KLHL5: variants seen among roughly 807,000 people sequenced by gnomAD.
The protein encoded by KLHL5 is kelch-like protein 5.
A neutral mutation model predicts 77.7 loss-of-function variants in KLHL5; 48 were observed. That is an observed-to-expected ratio of 0.62 (90% CI 0.49 to 0.79). The LOEUF (loss-of-function observed/expected upper bound fraction) is 0.79. Among genes scored for constraint, KLHL5 ranks in the 30% least tolerant of loss-of-function variants. The pLI, the probability that KLHL5 is intolerant of heterozygous loss-of-function variation, is 0.00. For synonymous variants in KLHL5, 260 were observed against 297.0 expected, an observed-to-expected ratio of 0.88 and a Z score of 1.28; for missense variants, 723 against 859.7, an observed-to-expected ratio of 0.84 and a Z score of 1.99.
At position 39,110,642 on chromosome 4, in the gene KLHL5, T is replaced by A. The variant is rs190287710; in HGVS notation, c.1689-2378T>A. Among the ~76,000 whole-genome samples the A allele has an allele frequency of 7.3e-3, 1,109 of 152,058 alleles. 4 individuals are homozygous for A. Among genetic ancestry groups the A allele is most frequent in the African/African-American group, 0.014 (591 of 41,468 alleles). On this transcript the variant is annotated intron_variant, in intron 8 of 10. Transcript: ENST00000504108. ...CATGCCTGGCTAATTTTAAAAAAAA[T>A]TTTTTTGTAGAGATGGGATCTCACT...
intron 5 of KLHL5, among the ~76,000 whole-genome samples, chr4:39,091,976 C>T (rs774234559): frequency 6.6e-6 from 1 of 151,568 alleles, no homozygotes; most frequent in Non-Finnish European, 1.5e-5. Context: ...TGAGCCACCT[C>T]GCCCAGCCTC....
chr4:39,045,697 T>G (rs1716129129), intron 1 of KLHL5, among the ~76,000 whole-genome samples: 1 of 152,132 alleles, frequency 6.6e-6, no homozygotes, highest in African/African-American at 2.4e-5. Flanking sequence ...AAAAGTTTGC[T>G]ATGTCAGAGA....
chr4:39,086,996 C>T (rs759640646), intron 5 of KLHL5, among the ~76,000 whole-genome samples: 3 of 145,450 alleles, frequency 2.1e-5, no homozygotes, highest in East Asian at 2.1e-4. Flanking sequence ...CTGCAACCTC[C>T]GCCTCCCCAG....
downstream of KLHL5, among the ~76,000 whole-genome samples, chr4:39,127,761 A>G (rs1723616285): frequency 6.6e-6 from 1 of 152,076 alleles, no homozygotes; most frequent in African/African-American, 2.4e-5. Context: ...CACCACACCG[A>G]CCTGGCGCAA....
intron 6 of KLHL5, among the ~76,000 whole-genome samples, chr4:39,098,730 A>AT (rs1257598256): frequency 6.6e-6 from 1 of 150,814 alleles, no homozygotes; most frequent in Admixed American, 6.6e-5. Flanking sequence ...TGCCCCGCTA[A>AT]TTTTTTTGTA....
intron 6 of KLHL5, among the ~76,000 whole-genome samples, chr4:39,100,688 C>G (rs761980070): frequency 3.3e-4 from 51 of 152,284 alleles, no homozygotes; most frequent in Admixed American, 9.8e-4. Flanking sequence ...TGCCATTATT[C>G]TGCTCAAAAA....
intron 2 of KLHL5, among the ~76,000 whole-genome samples, chr4:39,079,764 T>A (rs975370335): frequency 2.6e-5 from 4 of 152,206 alleles, no homozygotes; most frequent in Non-Finnish European, 5.9e-5. Flanking sequence ...TTGTACCCAA[T>A]GTATCTCAAG....
intron 10 of KLHL5, among the ~76,000 whole-genome samples, chr4:39,116,586 T>C (rs537392962): frequency 4.6e-5 from 7 of 152,022 alleles, no homozygotes; most frequent in Non-Finnish European, 1.0e-4. Context: ...TTCAAAAAGA[T>C]TGGAAAGAAG....
the KLHL5 span, among the ~76,000 whole-genome samples, chr4:39,142,493 C>A: frequency 6.6e-6 from 1 of 152,090 alleles, no homozygotes; most frequent in South Asian, 2.1e-4. Flanking sequence ...AGACTGCATC[C>A]ACTCTGGAGA....
At chr4:39,047,263 C>T (rs1560399084) in intron 1 of KLHL5, among the ~76,000 whole-genome samples, 1 of 152,228 alleles carries the variant, frequency 6.6e-6, no homozygotes, top group African/African-American at 2.4e-5. Context: ...ACTAAAAATA[C>T]AAAAATTAGC....
intron 8 of KLHL5, among the ~76,000 whole-genome samples, chr4:39,109,464 A>G (rs1424634313): frequency 6.6e-6 from 1 of 151,752 alleles, no homozygotes; most frequent in Non-Finnish European, 1.5e-5. Context: ...ATGTCCAGCT[A>G]ATTTTTGTAT....
chr4:39,108,781 G>A (rs1722228146), intron 8 of KLHL5, among the ~76,000 whole-genome samples: 1 of 152,018 alleles, frequency 6.6e-6, no homozygotes, highest in Non-Finnish European at 1.5e-5. Context: ...GTATCTTCTT[G>A]GTTTTGACCC....
intron 1 of KLHL5, among the ~76,000 whole-genome samples, chr4:39,069,144 G>C (rs1159242713): frequency 6.6e-6 from 1 of 152,108 alleles, no homozygotes; most frequent in African/African-American, 2.4e-5. Context: ...CCTGTAGGAA[G>C]GACCGAAGAG....
intron 1 of KLHL5, among the ~76,000 whole-genome samples, chr4:39,053,941 C>T (rs975578796): frequency 6.6e-6 from 1 of 152,184 alleles, no homozygotes; most frequent in Non-Finnish European, 1.5e-5. Context: ...ATCTGTGAGG[C>T]ACTTGTACTT....
At chr4:39,090,304 T>C (rs894940822) in intron 5 of KLHL5, among the ~76,000 whole-genome samples, 2 of 152,198 alleles carry the variant, frequency 1.3e-5, no homozygotes, top group Admixed American at 1.3e-4. Context: ...TCTGTTAATA[T>C]GAAACATTCC....
At chr4:39,058,634 T>A (rs1454945027), upstream of KLHL5, among the ~76,000 whole-genome samples, 1 of 152,078 alleles carries the variant, frequency 6.6e-6, no homozygotes. Flanking sequence ...ATATATATAT[T>A]TTGTCACCAA....
chr4:39,072,569 C>T (rs183486772), intron 1 of KLHL5, among the ~76,000 whole-genome samples: 35 of 152,208 alleles, frequency 2.3e-4, no homozygotes, highest in African/African-American at 5.5e-4. Context: ...ACTTGAAATA[C>T]GACTAGTGCA....
chr4:39,048,286 T>C (rs931211993), intron 1 of KLHL5, among the ~76,000 whole-genome samples: 14 of 152,136 alleles, frequency 9.2e-5, no homozygotes, highest in African/African-American at 3.4e-4. Flanking sequence ...ATGATGAGTT[T>C]GGATAATGAG....
chr4:39,045,016 C>T (rs1241788250), upstream of KLHL5: 3 of 993,438 alleles, frequency 3.0e-6, no homozygotes, highest in East Asian at 2.2e-4. Context: ...GCTCGCCGGC[C>T]CCGGCCCCCG....
Sources: allele counts gnomAD v4.1 joint callset (sites outside exome capture counted in the v4.1 genomes callset), GRCh38; gene constraint gnomAD v4.1.1; transcripts MANE v1.5; gene names NCBI Gene and HGNC (gene_info 2026-07-23, HGNC 2026-07-21).